The following CBARP variants were observed in gnomAD, a reference collection of about 807,000 sequenced individuals.
The protein encoded by CBARP is CACN subunit beta associated regulatory protein, also known as voltage-dependent calcium channel beta subunit-associated regulatory protein.
In CBARP, 24 loss-of-function variants were observed where a neutral mutation model predicts 36.3. That is an observed-to-expected ratio of 0.66 (90% CI 0.48 to 0.93). The LOEUF (loss-of-function observed/expected upper bound fraction) is 0.93. Ranked by LOEUF, CBARP falls within the 40% of genes least tolerant of loss-of-function variation. The pLI is 0.00. For missense variants in CBARP, 1,146 were observed against 980.4 expected, an observed-to-expected ratio of 1.17 and a Z score of -2.26; for synonymous variants, 586 against 453.2, an observed-to-expected ratio of 1.29 and a Z score of -3.72.
At chr19:1,234,071 GC>G (rs763831490) in intron 7 of CBARP, 119 bp downstream of exon 7, 5 of 1,220,082 alleles carry the variant, frequency 4.1e-6, no homozygotes, top group Non-Finnish European at 5.4e-6. Context: ...GACCCGGCGG[GC>G]CAAGGAGGGC....
chr19:1,234,724 C>T lies in CBARP; in HGVS notation c.474G>A (p.Gly158=), dbSNP rs1240102165. 6.8e-6 allele frequency: 11 copies of T among 1,612,984 alleles called. No individual in the cohort carries two copies. The East Asian group carries it at 1.1e-4, about 16-fold the overall frequency. The stretch of plus-strand genomic sequence containing the variant: ...GGGCATTCTTCAGGTGGTGGAAGTC[C>T]CCCTCCGTCAGTGTGTACCTGCGAC... ...DKGRRYTLTE[G]DFHHLKNARL... is the part of the protein sequence containing the mutation. Residue 158 remains glycine, a synonymous_variant, in exon 6 of 10, where the codon GGG becomes GGA. Transcript: ENST00000650044.
chr19:1,230,302 A>G, intron 9 of CBARP, 160 bp from the exon 10 acceptor site: 5 of 990,812 alleles, frequency 5.0e-6, no homozygotes, highest in Non-Finnish European at 6.0e-6. Flanking sequence ...TGTGTTTTGC[A>G]GGGGATGCGT....
At chr19:1,231,796 A>G (rs991606860) in intron 8 of CBARP, among the ~76,000 whole-genome samples, 1 of 151,740 alleles carries the variant, frequency 6.6e-6, no homozygotes, top group Non-Finnish European at 1.5e-5. Context: ...TACAGGTGAG[A>G]AAACTGAGGC....
intron 1 of CBARP, among the ~76,000 whole-genome samples, chr19:1,237,391 A>AG (rs1245414897): frequency 6.9e-6 from 1 of 144,790 alleles, no homozygotes; most frequent in Non-Finnish European, 1.5e-5. Context: ...CGAGGGGAAG[A>AG]GGGGGGCTCC....
At position 1,233,636 on chromosome 19, in the gene CBARP, A is replaced by G. The variant is rs1470264679; in HGVS notation, c.769T>C (p.Leu257=). 6.8e-6 allele frequency: 11 copies of G among 1,606,956 alleles called. No homozygotes were observed. In the East Asian group the frequency reaches 8.9e-5, roughly 13 times the overall value. ...ASSDSGEGTS[L]DAGTRSTKAG... Reference sequence around the variant, plus strand: ...TTGGTGCTCCTGGTACCGGCATCCAACTGGCAGGGAACAGAGATGGCGCTC... The same window carrying G: ...TTGGTGCTCCTGGTACCGGCATCCAGCTGGCAGGGAACAGAGATGGCGCTC... The change falls in exon 8 of 10, where the codon TTG becomes CTG. Residue 257 remains leucine (L), a splice_region_variant and synonymous_variant. Coordinates refer to ENST00000650044, the MANE Select transcript of CBARP (RefSeq NM_001393918.1).
At chr19:1,230,702 G>A (rs2080878288) in intron 9 of CBARP, 2 of 1,281,930 alleles carry the variant, frequency 1.6e-6, no homozygotes, top group Non-Finnish European at 9.8e-7. Flanking sequence ...GTTGGGGGAG[G>A]GGTGCTGCTG....
Position 1,237,504 on chromosome 19 carries a change from G to A in CBARP, c.-22+252C>T, listed in dbSNP as rs912656803. On this transcript the variant is annotated intron_variant, in intron 1 of 9. Coordinates refer to ENST00000650044, the MANE Select transcript of CBARP (RefSeq NM_001393918.1). ...GGGATGGCGAGCCAGGGGAGGCAGGGACCCGACGCCAGGGCTGAGCCGAGA... is the reference window on the plus strand; with the variant it reads ...GGGATGGCGAGCCAGGGGAGGCAGGAACCCGACGCCAGGGCTGAGCCGAGA... Among the ~76,000 whole-genome samples the A allele has an allele frequency of 9.9e-5, 15 of 152,184 alleles. No homozygotes were observed. The South Asian group carries it at 1.7e-3, about 17-fold the overall frequency.
At chr19:1,232,529 A>C (rs1044987060) in intron 8 of CBARP, among the ~76,000 whole-genome samples, 5 of 152,142 alleles carry the variant, frequency 3.3e-5, no homozygotes, top group Non-Finnish European at 7.4e-5. Context: ...CTGGCTGAGC[A>C]GGGCTGGTGC....
chr19:1,229,629 G>A lies in CBARP; in HGVS notation c.1668C>T (p.His556=). The A allele has an allele frequency of 2.5e-6, 3 of 1,201,242 alleles. No homozygotes were observed. The highest frequency in any genetic ancestry group is 2.5e-4 in the Middle Eastern group (1 of 4,030). The allele number at this position is 1,201,242 out of a possible 1,614,324, so 74.4% of individuals were successfully genotyped here. Residue 556 remains histidine (H), a synonymous_variant, in exon 10 of 10, where the codon CAC becomes CAT. Transcript: ENST00000650044. This position sits in a 1 kb window ranked among gnomAD's most constrained non-coding sequence, Gnocchi z 5.1. The part of the protein sequence containing the change: ...TDALFHEFLR[H]DPHFDDTPAA... ...CCGGCGTGTCGTCGAAGTGCGGGTC[G>A]TGGCGCAGGAACTCGTGGAACAGCG...
intron 9 of CBARP, chr19:1,230,507 C>T: frequency 9.8e-7 from 1 of 1,018,090 alleles, no homozygotes; most frequent in Non-Finnish European, 1.2e-6. Flanking sequence ...GAGTCCAGCT[C>T]AGCCCCTGCT....
At chr19:1,237,091 G>C (rs2080985566) in intron 1 of CBARP, among the ~76,000 whole-genome samples, 1 of 152,176 alleles carries the variant, frequency 6.6e-6, no homozygotes, top group Non-Finnish European at 1.5e-5. Flanking sequence ...GGCGGCCCCA[G>C]GTCAGCACCG....
Position 1,231,105 on chromosome 19 carries a change from C to T in CBARP, c.1150G>A (p.Gly384Ser), listed in dbSNP as rs750118611. 1.0e-4 allele frequency: 161 copies of T among 1,597,288 alleles called. No individual in the cohort carries two copies. Among genetic ancestry groups the T allele is most frequent in the Non-Finnish European group, 1.3e-4 (148 of 1,170,784 alleles). ...PFLASPPPALGRLEAAEAAGG... is the reference protein window; with the variant it reads ...PFLASPPPALSRLEAAEAAGG... The stretch of plus-strand genomic sequence containing the variant: ...CCTCCATCTACTGAAAAATACCTGC[C>T]GAGAGCAGGGGGCGGGCTGGCCAGA... The change falls in exon 9 of 10, where the codon GGC (glycine) becomes AGC (serine). Residue 384 changes from glycine (G) to serine (S), a missense_variant. By Grantham distance (56) the Gly-to-Ser change is moderately conservative. Coordinates refer to ENST00000650044, the MANE Select transcript of CBARP (RefSeq NM_001393918.1).
chr19:1,235,179 G>A (rs1415214833), intron 4 of CBARP, 34 bp from the exon 5 acceptor site: 11 of 1,508,732 alleles, frequency 7.3e-6, no homozygotes, highest in Admixed American at 2.1e-5. Flanking sequence ...TGGGCCCCGG[G>A]CGGGCCACGC....
At position 1,234,762 on chromosome 19, in the gene CBARP, T is replaced by A; in HGVS notation, c.456-20A>T. Reference sequence around the variant, plus strand: ...GTGTACCTGCGACAGCATCTGGCCATCAGAGCCCGCCCACCTCCCATGCCC... The same window carrying A: ...GTGTACCTGCGACAGCATCTGGCCAACAGAGCCCGCCCACCTCCCATGCCC... On this transcript the variant is annotated intron_variant, in intron 5 of 9. Coordinates refer to ENST00000650044, the MANE Select transcript of CBARP (RefSeq NM_001393918.1). 6.2e-7 allele frequency: 1 copy of A among 1,607,444 alleles called. No homozygotes were observed. Among genetic ancestry groups the A allele is most frequent in the Non-Finnish European group, 8.5e-7 (1 of 1,177,344 alleles).
chr19:1,234,824 CG>C, intron 5 of CBARP, 82 bp from the exon 6 acceptor site: 1 of 1,542,198 alleles, frequency 6.5e-7, no homozygotes, highest in South Asian at 1.2e-5. Flanking sequence ...TCCACCCTGC[CG>C]GCCTGGGCAG....
rs376983695 is a variant in CBARP, at chr19:1,234,151, C to T, written c.768+40G>A. ...GGGACAGGGAGGGGAAGGAGCCTCC[C>T]CGGCTGTGGACACCATGGGGGACAC... On this transcript the variant is annotated intron_variant, in intron 7 of 9. Transcript: ENST00000650044. The T allele has an allele frequency of 2.3e-4, 341 of 1,454,498 alleles. No individual in the cohort carries two copies. The African/African-American group carries it at 4.6e-3, about 20-fold the overall frequency. The allele number at this position is 1,454,498 out of a possible 1,614,324, so 90.1% of individuals were successfully genotyped here. A position where few individuals can be genotyped will look rare whatever the true frequency, so the allele number is the denominator to read the frequency against.
chr19:1,235,102 C>T lies in CBARP; in HGVS notation c.354G>A (p.Glu118=). ...AGCTGGTGGACAGGAAGCGTTCGGT[C>T]TCCGCATCCTGGCACTCGGGGTCCT... ...RGEDPECQDA[E]TERFLSTSST... Residue 118 remains glutamate, a synonymous_variant, in exon 5 of 10, where the codon GAG becomes GAA. Coordinates refer to ENST00000650044, the MANE Select transcript of CBARP (RefSeq NM_001393918.1). The T allele has an allele frequency of 6.2e-7, 1 of 1,605,550 alleles. No individual in the cohort carries two copies. The highest frequency in any genetic ancestry group is 8.5e-7 in the Non-Finnish European group (1 of 1,176,618).
At chr19:1,233,382 C>T (rs1176739658) in intron 8 of CBARP, 44 bp downstream of exon 8, 2 of 1,516,350 alleles carry the variant, frequency 1.3e-6, no homozygotes, top group Admixed American at 2.0e-5. Context: ...GCAGCCAGCA[C>T]CCAGCCCACA....
At chr19:1,231,366 C>T (rs2080890244) in intron 8 of CBARP, 91 bp from the exon 9 acceptor site, 31 of 1,380,866 alleles carry the variant, frequency 2.2e-5, no homozygotes, top group Non-Finnish European at 3.0e-5. Flanking sequence ...CCGCCACACA[C>T]ACACAATGCC....
Sources: gnomAD v4.1 joint callset for allele counts (sites outside exome capture counted in the v4.1 genomes callset) on GRCh38, gnomAD v4.1.1 for gene constraint, Gnocchi (gnomAD v3.1) non-coding constraint, MANE v1.5 for transcripts, NCBI Gene and HGNC (gene_info 2026-07-23, HGNC 2026-07-21) for gene names.